SLC6A17: variants seen among roughly 807,000 people sequenced by gnomAD.
SLC6A17 encodes solute carrier family 6 member 17.
A neutral mutation model predicts 64.5 loss-of-function variants in SLC6A17; 21 were observed. The ratio of observed to expected loss-of-function variants is 0.33; its 90% CI spans 0.23 to 0.47. SLC6A17 has a LOEUF of 0.47. Ranked by LOEUF, SLC6A17 falls within the 20% of genes least tolerant of loss-of-function variation. SLC6A17 has a pLI of 1.00. For synonymous variants in SLC6A17, 372 were observed against 399.5 expected (o/e 0.93, Z 0.82); for missense variants, 682 against 963.2 (o/e 0.71, Z 3.86).
chr1:110,174,247 AG>A, intron 4 of SLC6A17, 148 bp downstream of exon 4: 3 of 1,179,774 alleles, frequency 2.5e-6, no homozygotes, highest in Non-Finnish European at 3.5e-6. Flanking sequence ...CCCCTTCCCC[AG>A]TGGGAATGGT....
chr1:110,158,018 A>G (rs1655805905), intron 1 of SLC6A17, among the ~76,000 whole-genome samples: 1 of 152,122 alleles, frequency 6.6e-6, no homozygotes. Context: ...GTATGTGTTT[A>G]TTTGATATAT....
rs1156394277 is a variant in SLC6A17 at position 110,200,388 on chromosome 1, ACCT to A, written c.*1948_*1950del. ...ACCGCAGTCCCCCTCACCCGACAAC[ACCT>A]CCTACCTGGCCCCTTGCCAAATCCC... On this transcript the variant is annotated 3_prime_UTR_variant, in exon 12 of 12. Transcript: ENST00000331565. The A allele has an allele frequency of 1.9e-5, 6 of 312,888 alleles. No homozygotes were observed. The highest frequency in any genetic ancestry group is 3.2e-4 in the South Asian group (2 of 6,256). The allele number at this position is 312,888 out of a possible 1,614,324, so 19.4% of individuals were successfully genotyped here. A position where few individuals can be genotyped will look rare whatever the true frequency, so the allele number is the denominator to read the frequency against.
At chr1:110,165,141 G>T (rs1053699425) in intron 1 of SLC6A17, among the ~76,000 whole-genome samples, 1 of 152,184 alleles carries the variant, frequency 6.6e-6, no homozygotes, top group Non-Finnish European at 1.5e-5. Context: ...CCCTGCAGAC[G>T]GGGACCTGCT....
chr1:110,167,247 C>G, intron 2 of SLC6A17, 32 bp downstream of exon 2: 1 of 1,589,320 alleles, frequency 6.3e-7, no homozygotes, highest in African/African-American at 1.3e-5. Context: ...ATCAGGGGTC[C>G]CCTGCAAATA....
At chr1:110,156,792 G>C (rs1287184746) in intron 1 of SLC6A17, among the ~76,000 whole-genome samples, 4 of 152,304 alleles carry the variant, frequency 2.6e-5, no homozygotes, top group Middle Eastern at 6.8e-3. Context: ...TCAGGAAAGA[G>C]ACATCATGTT....
At chr1:110,189,426 C>G (rs1656768268) in intron 6 of SLC6A17, among the ~76,000 whole-genome samples, 1 of 152,178 alleles carries the variant, frequency 6.6e-6, no homozygotes, top group Admixed American at 6.5e-5. Context: ...CTTGGTTTGT[C>G]CTGCGAAGAT....
chr1:110,173,906 G>GT, intron 3 of SLC6A17, 67 bp from the exon 4 acceptor site: 6 of 1,526,914 alleles, frequency 3.9e-6, no homozygotes, highest in Admixed American at 2.0e-5. Context: ...CTGGGCCTCG[G>GT]GTGGAGCGTG....
chr1:110,174,791 A>C lies in SLC6A17; in HGVS notation c.584A>C (p.Glu195Ala). The C allele has an allele frequency of 1.9e-6, 3 of 1,613,976 alleles. No individual in the cohort carries two copies. Residue 195 changes from glutamate (E) to alanine (A), a missense_variant, in exon 5 of 12, where the codon GAG becomes GCG. By Grantham distance (107) the Glu-to-Ala change is moderately radical. Coordinates refer to ENST00000331565, the MANE Select transcript of SLC6A17 (RefSeq NM_001010898.4). Reference protein sequence around the residue: ...RNGSVAVVEAECEKSSATTYF... With the variant: ...RNGSVAVVEAACEKSSATTYF... Reference sequence around the variant, plus strand: ...GCTGCTATTTCAGTGGTGGAGGCAGAGTGTGAAAAGAGCTCAGCCACTACC... The same window carrying C: ...GCTGCTATTTCAGTGGTGGAGGCAGCGTGTGAAAAGAGCTCAGCCACTACC...
chr1:110,182,643 G>A (rs1208493409), intron 6 of SLC6A17, among the ~76,000 whole-genome samples: 3 of 151,476 alleles, frequency 2.0e-5, no homozygotes, highest in Non-Finnish European at 2.9e-5. Context: ...CAGGCAGGCC[G>A]ACAGACAAAC....
intron 1 of SLC6A17, among the ~76,000 whole-genome samples, chr1:110,164,880 A>G (rs1408142607): frequency 6.6e-6 from 1 of 152,232 alleles, no homozygotes; most frequent in African/African-American, 2.4e-5. Flanking sequence ...GCAGACTTGC[A>G]GGAAACTCCC....
At chr1:110,186,140 CA>C (rs1656679290) in intron 6 of SLC6A17, among the ~76,000 whole-genome samples, 2 of 152,104 alleles carry the variant, frequency 1.3e-5, no homozygotes, top group South Asian at 4.1e-4. Context: ...TCTTAACAAA[CA>C]AATTTTTTTT....
rs779418673 is a variant in SLC6A17 at position 110,167,207 on chromosome 1, A to G, written c.278A>G (p.Asn93Ser). 3 of 1,611,678 alleles carry G rather than the reference A, an allele frequency of 1.9e-6. No homozygotes were observed. The highest frequency in any genetic ancestry group is 1.7e-6 in the Non-Finnish European group (2 of 1,178,356). The change falls in exon 2 of 12, where the codon AAT (asparagine) becomes AGT (serine). Residue 93 changes from asparagine to serine, a missense_variant. By Grantham distance (46) the Asn-to-Ser change is conservative. Coordinates refer to ENST00000331565, the MANE Select transcript of SLC6A17 (RefSeq NM_001010898.4). ...AGGTTCCCCTACCTGTGCCAGAAAAATGGAGGAGGTAAGAGACAGCTCTGC... is the reference window on the plus strand; with the variant it reads ...AGGTTCCCCTACCTGTGCCAGAAAAGTGGAGGAGGTAAGAGACAGCTCTGC... ...IWRFPYLCQK[N>S]GGGAYLVPYL...
chr1:110,191,816 A>G (rs1656830535), intron 6 of SLC6A17, among the ~76,000 whole-genome samples, 156 bp from the exon 7 acceptor site: 1 of 152,206 alleles, frequency 6.6e-6, no homozygotes, highest in Non-Finnish European at 1.5e-5. Context: ...ACTGAGGCTC[A>G]GAGGAGTAGG....
intron 1 of SLC6A17, among the ~76,000 whole-genome samples, chr1:110,158,121 A>G (rs1655810058): frequency 6.6e-6 from 1 of 152,210 alleles, no homozygotes; most frequent in Non-Finnish European, 1.5e-5. Flanking sequence ...AATAAATCCA[A>G]TGGAGCAGGG....
chr1:110,166,669 G>A (rs1322055684), intron 1 of SLC6A17, 174 bp from the exon 2 acceptor site: 1 of 393,932 alleles, frequency 2.5e-6, no homozygotes, highest in Non-Finnish European at 4.6e-6. Context: ...GAGTCTGTAG[G>A]CCTTGAGCTC....
At chr1:110,195,846 G>T in intron 10 of SLC6A17, 101 bp downstream of exon 10, 1 of 1,510,204 alleles carries the variant, frequency 6.6e-7, no homozygotes, top group Admixed American at 1.9e-5. Context: ...AGAGCTGAAA[G>T]TGCCCTTACG....
chr1:110,151,499 G>C (rs897198240), intron 1 of SLC6A17, among the ~76,000 whole-genome samples: 4 of 152,260 alleles, frequency 2.6e-5, no homozygotes, highest in African/African-American at 9.6e-5. Context: ...CTGAGACAGG[G>C]GACGTGCGTG....
At chr1:110,197,687 C>T (rs1657008087) in intron 11 of SLC6A17, 88 bp downstream of exon 11, 11 of 1,410,998 alleles carry the variant, frequency 7.8e-6, no homozygotes, top group Non-Finnish European at 8.4e-6. Context: ...CTTTCTAGGG[C>T]AGCTGCTATG....
intron 10 of SLC6A17, among the ~76,000 whole-genome samples, chr1:110,196,323 TCAG>T (rs1656967275): frequency 1.3e-5 from 2 of 152,208 alleles, no homozygotes; most frequent in Admixed American, 1.3e-4. Flanking sequence ...TCTGACTCAC[TCAG>T]CATCGACCAT....
Sources: gnomAD v4.1 joint callset for allele counts (sites outside exome capture counted in the v4.1 genomes callset) on GRCh38, gnomAD v4.1.1 for gene constraint, MANE v1.5 for transcripts, NCBI Gene and HGNC (gene_info 2026-07-23, HGNC 2026-07-21) for gene names.